Variants in CTNNA1 observed in about 807,000 individuals in gnomAD.
The protein encoded by CTNNA1 is catenin alpha 1, also known as catenin alpha-1.
In CTNNA1, 37 loss-of-function variants were observed where a neutral mutation model predicts 98.4. The ratio of observed to expected loss-of-function variants is 0.38; its 90% CI spans 0.29 to 0.49. CTNNA1 has a LOEUF of 0.49. Among genes scored for constraint, CTNNA1 ranks in the 20% least tolerant of loss-of-function variants. The probability of loss-of-function intolerance (pLI) is 0.95; values close to 1 mark genes in which losing one functional copy is unlikely to be tolerated. For missense variants in CTNNA1, 761 were observed against 1,147.2 expected (o/e 0.66, Z 4.86); for synonymous variants, 404 against 413.2 (o/e 0.98, Z 0.27).
At chr5:138,760,356 GT>G (rs1752211998) in intron 1 of CTNNA1, among the ~76,000 whole-genome samples, 1 of 132,396 alleles carries the variant, frequency 7.6e-6, no homozygotes, top group Admixed American at 8.6e-5. Flanking sequence ...GCCATATTTT[GT>G]TTATCCATTC....
chr5:138,825,482 G>GTTTTTTTTTTTGTT (rs1554085134), intron 6 of CTNNA1, among the ~76,000 whole-genome samples: 3 of 74,114 alleles, frequency 4.0e-5, no homozygotes, highest in Admixed American at 1.9e-4. Flanking sequence ...AGCAGTATAA[G>GTTTTTTTTTTTGTT]TTTTTTTTTT....
chr5:138,858,869 G>A (rs1032549350), intron 7 of CTNNA1, among the ~76,000 whole-genome samples: 1 of 152,186 alleles, frequency 6.6e-6, no homozygotes, highest in Non-Finnish European at 1.5e-5. Context: ...AGGGTGCTGG[G>A]ATTACAGGCG....
At chr5:138,891,662 G>A (rs1755399685) in intron 9 of CTNNA1, among the ~76,000 whole-genome samples, 1 of 152,148 alleles carries the variant, frequency 6.6e-6, no homozygotes, top group Non-Finnish European at 1.5e-5. Context: ...TGCGAGGCAA[G>A]GTAGGAGAAT....
rs892431036 is a variant in CTNNA1, at chr5:138,873,286, C to T, written c.1063-12926C>T. 3.7e-6 allele frequency: 6 copies of T among 1,613,862 alleles called. No individual in the cohort carries two copies. The highest frequency in any genetic ancestry group is 5.1e-6 in the Non-Finnish European group (6 of 1,179,896). Reference sequence around the variant, plus strand: ...AAGAAAACAATAAAGCCATTGTTCCCGTAATTACCCGCTGAGTGAAGATGG... The same window carrying T: ...AAGAAAACAATAAAGCCATTGTTCCTGTAATTACCCGCTGAGTGAAGATGG... On this transcript the variant is annotated intron_variant, in intron 7 of 17. Coordinates refer to ENST00000302763, the MANE Select transcript of CTNNA1 (RefSeq NM_001903.5). This position sits in a 1 kb window ranked among gnomAD's most constrained non-coding sequence, Gnocchi z 6.1.
intron 9 of CTNNA1, among the ~76,000 whole-genome samples, chr5:138,895,928 A>C (rs1411543839): frequency 2.6e-5 from 4 of 152,166 alleles, no homozygotes; most frequent in African/African-American, 9.7e-5. Context: ...GCTTTGATAG[A>C]AATACTTTTC....
rs750063482 is a variant in CTNNA1 at position 138,874,532 on chromosome 5, C to T, written c.1063-11680C>T. On this transcript the variant is annotated intron_variant, in intron 7 of 17. Transcript: ENST00000302763. The surrounding 1 kb of genome is among the most constrained non-coding windows in gnomAD (Gnocchi z 4.1). ...ATATATTGCTGCCAGCATAGGGGCC[C>T]CTAATGGCCACTTGAAATGTAAGCC... is the stretch of plus-strand genomic sequence containing the variant. The T allele has an allele frequency of 2.5e-6, 4 of 1,576,436 alleles. No homozygotes were observed. Among genetic ancestry groups the T allele is most frequent in the South Asian group, 1.2e-5 (1 of 86,782 alleles).
At chr5:138,792,333 C>T (rs1294500282) in intron 3 of CTNNA1, among the ~76,000 whole-genome samples, 2 of 152,192 alleles carry the variant, frequency 1.3e-5, no homozygotes, top group African/African-American at 4.8e-5. Flanking sequence ...GATTTTCTCC[C>T]TGGCAACTGA....
At chr5:138,761,392 C>G (rs532684739) in intron 1 of CTNNA1, among the ~76,000 whole-genome samples, 1 of 152,030 alleles carries the variant, frequency 6.6e-6, no homozygotes, top group African/African-American at 2.4e-5. Context: ...TGTGTCACCA[C>G]GACCTGTTTA....
intron 1 of CTNNA1, among the ~76,000 whole-genome samples, chr5:138,771,894 A>G (rs1753595306): frequency 6.6e-6 from 1 of 152,096 alleles, no homozygotes; most frequent in African/African-American, 2.4e-5. Context: ...TAAACGAACC[A>G]TCCTAACATT....
At chr5:138,852,871 G>GCGCACACGCGCACGCGCGCGCGCA (rs869240008) in intron 7 of CTNNA1, among the ~76,000 whole-genome samples, 36 of 151,358 alleles carry the variant, frequency 2.4e-4, no homozygotes, top group African/African-American at 7.3e-4. Context: ...GCGCGCGCGC[G>GCGCACACGCGCACGCGCGCGCGCA]CACACACACA....
chr5:138,834,794 G>A (rs1308280279), intron 7 of CTNNA1, among the ~76,000 whole-genome samples: 5 of 152,320 alleles, frequency 3.3e-5, no homozygotes, highest in African/African-American at 1.2e-4. Flanking sequence ...ACTTGCCTCT[G>A]TGTGAAGAGA....
intron 1 of CTNNA1, among the ~76,000 whole-genome samples, chr5:138,766,149 C>T (rs978585906): frequency 6.6e-6 from 1 of 152,126 alleles, no homozygotes; most frequent in Admixed American, 6.5e-5. Flanking sequence ...CATACACACA[C>T]ACAGATAATA....
chr5:138,871,358 G>C (rs1205033307), intron 7 of CTNNA1: 1 of 152,110 alleles, frequency 6.6e-6, no homozygotes, highest in African/African-American at 2.4e-5. Flanking sequence ...TCAATATGTG[G>C]AACAATGTTT....
intron 1 of CTNNA1, among the ~76,000 whole-genome samples, chr5:138,769,799 C>G (rs1472949432): frequency 6.6e-6 from 1 of 151,994 alleles, no homozygotes; most frequent in East Asian, 1.9e-4. Flanking sequence ...TCCCAAAGTG[C>G]TGGGATTACA....
At position 138,795,850 on chromosome 5, in the gene CTNNA1, A is replaced by G. The variant is rs542459717; in HGVS notation, c.301+12478A>G. On this transcript the variant is annotated intron_variant, in intron 3 of 17. Transcript: ENST00000302763. ...GCAGTGAACATGTGTTTTGATAGTA[A>G]GAGCAAAAAGAAAAAAAATGAAAAC... Among the ~76,000 whole-genome samples, 3 of 152,290 alleles carry G rather than the reference A, an allele frequency of 2.0e-5. No homozygotes were observed. In the East Asian group the frequency reaches 5.8e-4, roughly 29 times the overall value.
chr5:138,758,621 C>T (rs1243352486), intron 1 of CTNNA1, among the ~76,000 whole-genome samples: 2 of 151,370 alleles, frequency 1.3e-5, no homozygotes, highest in Non-Finnish European at 2.9e-5. Flanking sequence ...GTGATCTGCC[C>T]ACCTCGGCCT....
At chr5:138,899,627 C>T (rs1276881936) in intron 9 of CTNNA1, among the ~76,000 whole-genome samples, 1 of 152,164 alleles carries the variant, frequency 6.6e-6, no homozygotes, top group Non-Finnish European at 1.5e-5. Context: ...CTTGAGAGGA[C>T]CCTGGCCTTG....
At chr5:138,788,577 G>A (rs1234053154) in intron 3 of CTNNA1, among the ~76,000 whole-genome samples, 2 of 152,100 alleles carry the variant, frequency 1.3e-5, no homozygotes, top group Non-Finnish European at 2.9e-5. Flanking sequence ...ATACTCATTA[G>A]CAGACATTCC....
chr5:138,927,324 T>C (rs1308615683), intron 13 of CTNNA1, among the ~76,000 whole-genome samples: 1 of 152,194 alleles, frequency 6.6e-6, no homozygotes, highest in Non-Finnish European at 1.5e-5. Context: ...CAACCTTATT[T>C]CCTGCTGATC....
Sources: gnomAD v4.1 joint callset for allele counts (sites outside exome capture counted in the v4.1 genomes callset) on GRCh38, gnomAD v4.1.1 for gene constraint, Gnocchi (gnomAD v3.1) non-coding constraint, MANE v1.5 for transcripts, NCBI Gene and HGNC (gene_info 2026-07-23, HGNC 2026-07-21) for gene names.